NUP62CL: variants seen among roughly 807,000 people sequenced by gnomAD.
NUP62CL encodes nucleoporin 62 C-terminal like, also known as nucleoporin-62 C-terminal-like protein.
In NUP62CL, 13 loss-of-function variants were observed where a neutral mutation model predicts 15.3. The observed-to-expected ratio is 0.85, with a 90% CI of 0.55 to 1.35. The LOEUF (loss-of-function observed/expected upper bound fraction) is 1.35. Among genes scored for constraint, NUP62CL ranks in the 40% most tolerant of loss-of-function variants. The probability of loss-of-function intolerance (pLI) is 0.00; values close to 1 mark genes in which losing one functional copy is unlikely to be tolerated. For missense variants in NUP62CL, 123 were observed against 130.6 expected (o/e 0.94, Z 0.28); for synonymous variants, 54 against 49.2 (o/e 1.10, Z -0.41).
chrX:107,188,375 G>A (rs898487861), intron 2 of NUP62CL, among the ~76,000 whole-genome samples: 1 of 110,892 alleles, frequency 9.0e-6, no homozygotes, highest in African/African-American at 3.3e-5. Context: ...ATCAATTGAT[G>A]CAGAAAAAGC....
chrX:107,147,880 T>C (rs1925917832), intron 7 of NUP62CL, 71 bp from the exon 8 acceptor site: 6 of 840,999 alleles, frequency 7.1e-6, no homozygotes, highest in South Asian at 2.3e-5. Context: ...ACATAAGAAA[T>C]TGACATTAGG....
chrX:107,186,770 T>C (rs755797240), intron 2 of NUP62CL, among the ~76,000 whole-genome samples: 65 of 111,023 alleles, frequency 5.9e-4, no homozygotes, highest in Admixed American at 1.1e-3. Flanking sequence ...TGGGGGTGCA[T>C]GCCTGTAATC....
chrX:107,202,957 G>C (rs1179083988), intron 1 of NUP62CL, among the ~76,000 whole-genome samples: 1 of 94,538 alleles, frequency 1.1e-5, no homozygotes, highest in Non-Finnish European at 2.1e-5. Flanking sequence ...CAGCTGGGCC[G>C]ACAGAGCAGA....
At chrX:107,156,301 C>T (rs1293527062) in intron 4 of NUP62CL, among the ~76,000 whole-genome samples, 1 of 106,925 alleles carries the variant, frequency 9.4e-6, no homozygotes, top group African/African-American at 3.4e-5. Flanking sequence ...GCCTGCCTGC[C>T]TCTGTAGGCT....
In NUP62CL at chrX:107,194,909, C is replaced by T. The variant is rs767371156; in HGVS notation, c.-91-1837G>A. Reference sequence around the variant, plus strand: ...TCAGCTCACTGTAACCTCCGCGTCCCGGATTCAAGCAATTCTCCCGCCTCA... The same window carrying T: ...TCAGCTCACTGTAACCTCCGCGTCCTGGATTCAAGCAATTCTCCCGCCTCA... On this transcript the variant is annotated intron_variant, in intron 1 of 8. Transcript: ENST00000372466. 2.8e-3 allele frequency among the ~76,000 whole-genome samples: 293 copies of T among 103,391 alleles called. 2 individuals are homozygous for T. Among genetic ancestry groups the T allele is most frequent in the Non-Finnish European group, 4.1e-3 (210 of 51,234 alleles). The allele number at this position is 103,391 out of a possible 115,157, so 89.8% of individuals were successfully genotyped here.
intron 1 of NUP62CL, among the ~76,000 whole-genome samples, chrX:107,202,149 T>G (rs761730984): frequency 8.9e-6 from 1 of 111,842 alleles, no homozygotes; most frequent in Non-Finnish European, 1.9e-5. Context: ...CTGTAATGTT[T>G]TAGTTCTTTA....
At chrX:107,136,001 C>T (rs1925632330) in intron 8 of NUP62CL, among the ~76,000 whole-genome samples, 1 of 109,764 alleles carries the variant, frequency 9.1e-6, no homozygotes, top group Non-Finnish European at 1.9e-5. Flanking sequence ...GTTTGCAAAT[C>T]AATAATCTTA....
In NUP62CL at chrX:107,152,293, T is replaced by C. The variant is rs191058446; in HGVS notation, c.530+879A>G. 6.1e-3 allele frequency among the ~76,000 whole-genome samples: 637 copies of C among 104,293 alleles called. 5 individuals carry two copies. Among genetic ancestry groups the C allele is most frequent in the African/African-American group, 0.021 (607 of 28,598 alleles). The allele number at this position is 104,293 out of a possible 115,157, so 90.6% of individuals were successfully genotyped here. A position where few individuals can be genotyped will look rare whatever the true frequency, so the allele number is the denominator to read the frequency against. On this transcript the variant is annotated intron_variant, in intron 7 of 8. Coordinates refer to ENST00000372466, the MANE Select transcript of NUP62CL (RefSeq NM_017681.3). Reference sequence around the variant, plus strand: ...TCTTATGGCCAAAAATGTAACTCTATATGTTTCAAAAAAATGATAGAATGC... The same window carrying C: ...TCTTATGGCCAAAAATGTAACTCTACATGTTTCAAAAAAATGATAGAATGC...
chrX:107,202,974 CA>C (rs1172117650), intron 1 of NUP62CL, among the ~76,000 whole-genome samples: 13,192 of 54,181 alleles, frequency 0.24, 1,074 homozygotes, highest in East Asian at 0.49. Flanking sequence ...CAGACCGTCT[CA>C]AAAAAAAAAA....
chrX:107,131,127 G>A (rs1367683045), intron 8 of NUP62CL, among the ~76,000 whole-genome samples: 1 of 111,265 alleles, frequency 9.0e-6, no homozygotes, highest in African/African-American at 3.3e-5. Context: ...AAGAAAATAA[G>A]GTATGGACAA....
chrX:107,138,632 A>G (rs1188732798), intron 8 of NUP62CL, among the ~76,000 whole-genome samples: 1 of 111,871 alleles, frequency 8.9e-6, no homozygotes, highest in Non-Finnish European at 1.9e-5. Context: ...CCATTACAAG[A>G]GCTAAAATGA....
chrX:107,182,298 A>G (rs1306458375), intron 2 of NUP62CL, among the ~76,000 whole-genome samples: 1 of 112,180 alleles, frequency 8.9e-6, no homozygotes, highest in Non-Finnish European at 1.9e-5. Flanking sequence ...TGATGCCAGT[A>G]GCATCTCCCT....
chrX:107,140,732 A>C, intron 8 of NUP62CL, among the ~76,000 whole-genome samples: 1 of 112,428 alleles, frequency 8.9e-6, no homozygotes, highest in East Asian at 2.8e-4. Flanking sequence ...CTGAGCTAAT[A>C]ACTGGCATTG....
intron 8 of NUP62CL, among the ~76,000 whole-genome samples, chrX:107,146,821 T>C (rs1370701854): frequency 8.9e-6 from 1 of 111,745 alleles, no homozygotes; most frequent in Non-Finnish European, 1.9e-5. Flanking sequence ...ATGATTGCTT[T>C]CTTGCACAAG....
At chrX:107,147,421 T>C (rs1417968411) in intron 8 of NUP62CL, among the ~76,000 whole-genome samples, 1 of 111,374 alleles carries the variant, frequency 9.0e-6, no homozygotes, top group Admixed American at 9.6e-5. Context: ...TTCTAATTTT[T>C]TGGTATGTAA....
intron 2 of NUP62CL, among the ~76,000 whole-genome samples, chrX:107,181,682 A>C (rs932444934): frequency 1.3e-4 from 14 of 111,614 alleles, no homozygotes; most frequent in Non-Finnish European, 2.4e-4. Context: ...AATTGCATGA[A>C]ATGTATAGAT....
In NUP62CL at chrX:107,124,179, A is replaced by G. The variant is rs1423319267; in HGVS notation, c.*196T>C. ...AAATATTAAGTATAAATACTACTCTATTTAACATCAGAATTTGTAGGTAAT... is the reference window on the plus strand; with the variant it reads ...AAATATTAAGTATAAATACTACTCTGTTTAACATCAGAATTTGTAGGTAAT... On this transcript the variant is annotated 3_prime_UTR_variant, in exon 9 of 9. Coordinates refer to ENST00000372466, the MANE Select transcript of NUP62CL (RefSeq NM_017681.3). The G allele has an allele frequency of 3.1e-6, 1 of 324,443 alleles. No homozygotes were observed. Among genetic ancestry groups the G allele is most frequent in the Non-Finnish European group, 6.1e-6 (1 of 164,374 alleles). The allele number at this position is 324,443 out of a possible 1,213,427, so 26.7% of individuals were successfully genotyped here.
chrX:107,152,089 T>TTC (rs1926039292), intron 7 of NUP62CL, among the ~76,000 whole-genome samples: 2 of 76,234 alleles, frequency 2.6e-5, no homozygotes, highest in African/African-American at 1.2e-4. Flanking sequence ...GATATATATA[T>TTC]ATATATTCAG....
At chrX:107,165,188 A>T (rs1291696050) in intron 4 of NUP62CL, among the ~76,000 whole-genome samples, 1 of 110,079 alleles carries the variant, frequency 9.1e-6, no homozygotes, top group Non-Finnish European at 1.9e-5. Context: ...AATCCCAGCT[A>T]CTCAGGAGGC....
Sources: allele counts gnomAD v4.1 joint callset (sites outside exome capture counted in the v4.1 genomes callset), GRCh38; gene constraint gnomAD v4.1.1; transcripts MANE v1.5; gene names NCBI Gene and HGNC (gene_info 2026-07-23, HGNC 2026-07-21).